The following CLVS1 variants were observed in gnomAD, a reference collection of about 807,000 sequenced individuals.
CLVS1 encodes clavesin 1.
In CLVS1, 10 loss-of-function variants were observed where a neutral mutation model predicts 33.1. The observed-to-expected ratio is 0.30, with a 90% CI of 0.19 to 0.51. The LOEUF (loss-of-function observed/expected upper bound fraction) is 0.51. Among genes scored for constraint, CLVS1 ranks in the 20% least tolerant of loss-of-function variants. CLVS1 has a pLI of 0.97. For missense variants in CLVS1, 343 were observed against 433.4 expected, an observed-to-expected ratio of 0.79 and a Z score of 1.85; for synonymous variants, 163 against 166.1, an observed-to-expected ratio of 0.98 and a Z score of 0.14.
intron 2 of CLVS1, among the ~76,000 whole-genome samples, chr8:61,273,487 G>A (rs973700180): frequency 6.6e-6 from 1 of 152,250 alleles, no homozygotes; most frequent in African/African-American, 2.4e-5. Context: ...TACAGAGGCA[G>A]GCAGGCCTCC....
chr8:61,226,980 G>GTTT (rs55718731), intron 2 of CLVS1, among the ~76,000 whole-genome samples: 4 of 132,316 alleles, frequency 3.0e-5, no homozygotes, highest in Admixed American at 7.6e-5. Context: ...ACGAAAACAT[G>GTTT]TTTTTTTTTT....
intron 1 of CLVS1, among the ~76,000 whole-genome samples, chr8:61,101,896 A>C (rs1805456906): frequency 6.6e-6 from 1 of 151,898 alleles, no homozygotes. Flanking sequence ...GGTCCTTGTG[A>C]AAAATCAAGT....
chr8:61,087,574 G>T (rs150307173), intron 1 of CLVS1, among the ~76,000 whole-genome samples: 1 of 152,140 alleles, frequency 6.6e-6, no homozygotes, highest in Non-Finnish European at 1.5e-5. Flanking sequence ...ATACTGTGAC[G>T]TGCCTGGTGG....
intron 2 of CLVS1, among the ~76,000 whole-genome samples, chr8:61,159,790 A>C (rs1806717946): frequency 6.6e-6 from 1 of 152,210 alleles, no homozygotes; most frequent in African/African-American, 2.4e-5. Flanking sequence ...GAGCTTTGTC[A>C]TGTGTGTAAC....
chr8:61,497,520 AT>A (rs1804310705), intron 5 of CLVS1, among the ~76,000 whole-genome samples: 1 of 150,348 alleles, frequency 6.7e-6, no homozygotes, highest in Admixed American at 6.7e-5. Context: ...GCCTTCCACC[AT>A]TCCCTCTTGT....
At chr8:61,239,306 T>G (rs191342863) in intron 2 of CLVS1, among the ~76,000 whole-genome samples, 1 of 152,216 alleles carries the variant, frequency 6.6e-6, no homozygotes, top group Non-Finnish European at 1.5e-5. Flanking sequence ...TTGCTTAACG[T>G]TGGTGGAATC....
chr8:61,464,311 T>C (rs7005403), intron 5 of CLVS1, among the ~76,000 whole-genome samples: 25,408 of 152,126 alleles, frequency 0.17, 5,957 homozygotes, highest in African/African-American at 0.53. Context: ...ATATTAATGT[T>C]GAATGAATAT....
At chr8:61,118,296 A>G (rs1563409379) in intron 1 of CLVS1, among the ~76,000 whole-genome samples, 1 of 151,996 alleles carries the variant, frequency 6.6e-6, no homozygotes, top group Non-Finnish European at 1.5e-5. Context: ...GCGGTCTATC[A>G]GTTTTGTTGA....
intron 2 of CLVS1, among the ~76,000 whole-genome samples, chr8:61,342,220 A>C (rs1812050231): frequency 6.6e-6 from 1 of 152,158 alleles, no homozygotes; most frequent in South Asian, 2.1e-4. Flanking sequence ...CCTCCTTTAG[A>C]GGATGAGAAA....
chr8:61,278,334 A>C (rs913730892), intron 2 of CLVS1, among the ~76,000 whole-genome samples: 2 of 152,238 alleles, frequency 1.3e-5, no homozygotes, highest in Admixed American at 6.5e-5. Context: ...ATGCCATTGA[A>C]CATCTCTTTA....
At chr8:61,134,971 A>G (rs1366534247) in intron 2 of CLVS1, among the ~76,000 whole-genome samples, 1 of 151,982 alleles carries the variant, frequency 6.6e-6, no homozygotes, top group East Asian at 1.9e-4. Flanking sequence ...GGTATTGAAG[A>G]GCAAGAGAAT....
rs79588552 is a variant in CLVS1 at position 61,240,911 on chromosome 8, T to A, written c.-151-58766T>A. Among the ~76,000 whole-genome samples, 71 of 150,382 alleles carry A rather than the reference T, an allele frequency of 4.7e-4. 1 individual carries two copies. The highest frequency in any genetic ancestry group is 1.3e-3 in the African/African-American group (53 of 40,530). ...TGCTGTAGGTTTTTTTTTTTTTTTTTAAAATAGAGAACTATCTTCATCCAT... is the reference window on the plus strand; with the variant it reads ...TGCTGTAGGTTTTTTTTTTTTTTTTAAAAATAGAGAACTATCTTCATCCAT... On this transcript the variant is annotated intron_variant, in intron 2 of 2. Transcript: ENST00000522621.
intron 1 of CLVS1, among the ~76,000 whole-genome samples, chr8:61,094,244 G>GT (rs1227500272): frequency 6.6e-6 from 1 of 152,126 alleles, no homozygotes; most frequent in Non-Finnish European, 1.5e-5. Flanking sequence ...TGGAAATCAT[G>GT]TTTTCATCTC....
chr8:61,339,746 AGAAGGAGGGAGGGAGAAAGAGAGG>A (rs1457969791), intron 2 of CLVS1, among the ~76,000 whole-genome samples: 1 of 149,536 alleles, frequency 6.7e-6, no homozygotes, highest in African/African-American at 2.5e-5. Flanking sequence ...AGAGAAAGAG[AGAAGGAGGGAGGGAGAAAGAGAGG>A]GAAGGAAAGA....
intron 3 of CLVS1, among the ~76,000 whole-genome samples, chr8:61,381,637 T>C (rs1470194686): frequency 6.6e-6 from 1 of 152,166 alleles, no homozygotes; most frequent in African/African-American, 2.4e-5. Context: ...CCCTTCTTTG[T>C]GTCTATGTGT....
chr8:61,292,838 T>C (rs1016287558), intron 1 of CLVS1, among the ~76,000 whole-genome samples: 6 of 152,314 alleles, frequency 3.9e-5, no homozygotes, highest in Non-Finnish European at 7.4e-5. Flanking sequence ...ACTTTATAAG[T>C]TGGCATTCCC....
intron 3 of CLVS1, among the ~76,000 whole-genome samples, chr8:61,379,089 G>A (rs1439013003): frequency 2.6e-4 from 40 of 152,292 alleles, no homozygotes; most frequent in South Asian, 6.2e-4. Flanking sequence ...TTCCTCCCAT[G>A]CACCCTCAGA....
chr8:61,128,118 C>A (rs1806009457), intron 1 of CLVS1, among the ~76,000 whole-genome samples: 1 of 152,170 alleles, frequency 6.6e-6, no homozygotes, highest in Admixed American at 6.5e-5. Flanking sequence ...GTCAGCATAG[C>A]CAAATATCTG....
intron 2 of CLVS1, chr8:61,203,314 A>C (rs1028984990): frequency 6.5e-5 from 45 of 693,710 alleles, no homozygotes; most frequent in Non-Finnish European, 1.0e-4. Flanking sequence ...TTTATAATGC[A>C]GAGTGAGAAC....
Sources: allele counts gnomAD v4.1 joint callset (sites outside exome capture counted in the v4.1 genomes callset), GRCh38; gene constraint gnomAD v4.1.1; transcripts MANE v1.5; gene names NCBI Gene and HGNC (gene_info 2026-07-23, HGNC 2026-07-21).